The following ATP9B variants were observed in gnomAD, a reference collection of about 807,000 sequenced individuals.
ATP9B encodes the protein ATPase phospholipid transporting 9B.
In ATP9B, 110 loss-of-function variants were observed where a neutral mutation model predicts 146.1. The ratio of observed to expected loss-of-function variants is 0.75; its 90% CI spans 0.65 to 0.88. The LOEUF (loss-of-function observed/expected upper bound fraction) is 0.88, where lower values mean the gene tolerates loss of function less well. Among genes scored for constraint, ATP9B ranks in the 40% least tolerant of loss-of-function variants. The pLI is 0.00. For synonymous variants in ATP9B, 604 were observed against 569.7 expected, an observed-to-expected ratio of 1.06 and a Z score of -0.86; for missense variants, 1,499 against 1,496.4, an observed-to-expected ratio of 1.00 and a Z score of -0.03.
intron 11 of ATP9B, among the ~76,000 whole-genome samples, chr18:79,226,958 GT>G: frequency 1.3e-5 from 2 of 152,296 alleles, no homozygotes; most frequent in Middle Eastern, 6.8e-3. Context: ...CCCACTGTGT[GT>G]TGGGCACCAT....
chr18:79,337,307 T>G lies in ATP9B; in HGVS notation c.2141T>G (p.Met714Arg), dbSNP rs2096833174. ...CGATACACTCAAGCCAAGCTGAGCA[T>G]GCACGACAGGTCCCTCAAGGTGGCC... ...ESRYTQAKLS[M>R]HDRSLKVAAV... is the part of the protein sequence containing the mutation. Residue 714 changes from methionine (M) to arginine (R), a missense_variant, in exon 19 of 30, where the codon ATG (methionine) becomes AGG (arginine). Physicochemically the swap from Met to Arg is moderately conservative, Grantham distance 91. Transcript: ENST00000426216. 6.2e-7 allele frequency: 1 copy of G among 1,614,062 alleles called. No individual in the cohort carries two copies. The highest frequency in any genetic ancestry group is 1.3e-5 in the African/African-American group (1 of 75,054).
chr18:79,160,355 C>A (rs960245541), intron 7 of ATP9B, among the ~76,000 whole-genome samples: 1 of 152,202 alleles, frequency 6.6e-6, no homozygotes, highest in Non-Finnish European at 1.5e-5. Context: ...ATTGCAGTTA[C>A]ACAGAAGTAT....
chr18:79,167,759 A>G (rs1270151318), intron 7 of ATP9B, among the ~76,000 whole-genome samples: 1 of 152,110 alleles, frequency 6.6e-6, no homozygotes, highest in Non-Finnish European at 1.5e-5. Context: ...CCGGCAGTGG[A>G]CCTCACTGGG....
At chr18:79,158,128 G>T (rs1459912629) in intron 7 of ATP9B, among the ~76,000 whole-genome samples, 1 of 151,938 alleles carries the variant, frequency 6.6e-6, no homozygotes, top group African/African-American at 2.4e-5. Flanking sequence ...TTTTAGTACA[G>T]GTGTTCATAA....
At chr18:79,208,137 C>CG (rs922523879) in intron 10 of ATP9B, among the ~76,000 whole-genome samples, 32 of 152,088 alleles carry the variant, frequency 2.1e-4, no homozygotes, top group Admixed American at 1.8e-3. Context: ...CCCAGCTACT[C>CG]GGGGGGCTGA....
At chr18:79,365,985 G>A (rs2097025727) in intron 26 of ATP9B, among the ~76,000 whole-genome samples, 1 of 152,278 alleles carries the variant, frequency 6.6e-6, no homozygotes, top group South Asian at 2.1e-4. Flanking sequence ...TGTGTGTCAT[G>A]CCACCAGGCA....
intron 1 of ATP9B, among the ~76,000 whole-genome samples, chr18:79,082,740 A>G (rs1035375562): frequency 1.3e-5 from 2 of 152,210 alleles, no homozygotes; most frequent in African/African-American, 4.8e-5. Context: ...CGGAGGTTGC[A>G]GAACAGCAAA....
chr18:79,190,511 T>TACACACACAC (rs68063845), intron 8 of ATP9B, among the ~76,000 whole-genome samples: 3,653 of 143,532 alleles, frequency 0.025, 87 homozygotes, highest in African/African-American at 0.053. Flanking sequence ...TTTTTATTTA[T>TACACACACAC]ACACACACAC....
Position 79,336,188 on chromosome 18 carries a change from G to A in ATP9B, c.2029-440G>A, listed in dbSNP as rs554955087. On this transcript the variant is annotated intron_variant, in intron 17 of 29. Coordinates refer to ENST00000426216, the MANE Select transcript of ATP9B (RefSeq NM_198531.5). ...CTCTGTGCCCTCCCTGGCACCAGGC[G>A]CTCCCCTCGCCTGTCCCCAGCACCG... Among the ~76,000 whole-genome samples the A allele has an allele frequency of 1.5e-4, 21 of 138,484 alleles. 1 individual carries two copies. In the South Asian group the frequency reaches 4.2e-3, roughly 27 times the overall value. The allele number at this position is 138,484 out of a possible 152,430, so 90.9% of individuals were successfully genotyped here. A position where few individuals can be genotyped will look rare whatever the true frequency, so the allele number is the denominator to read the frequency against.
chr18:79,164,979 G>A (rs193291036), intron 7 of ATP9B, among the ~76,000 whole-genome samples: 1 of 152,238 alleles, frequency 6.6e-6, no homozygotes, highest in African/African-American at 2.4e-5. Context: ...TGGAAAGGGT[G>A]GGCTGGACTA....
intron 1 of ATP9B, among the ~76,000 whole-genome samples, chr18:79,081,979 C>G (rs1469861632): frequency 6.6e-6 from 1 of 152,124 alleles, no homozygotes; most frequent in East Asian, 1.9e-4. Flanking sequence ...GGAAGTTCTC[C>G]CGGATAATAT....
chr18:79,071,172 C>T (rs564982824), intron 1 of ATP9B, among the ~76,000 whole-genome samples: 1 of 148,612 alleles, frequency 6.7e-6, no homozygotes, highest in Non-Finnish European at 1.5e-5. Flanking sequence ...TTACAATATA[C>T]AAATGTGACT....
chr18:79,352,654 C>A (rs770968375), intron 25 of ATP9B: 4 of 151,440 alleles, frequency 2.6e-5, no homozygotes, highest in African/African-American at 4.9e-5. Context: ...GGCCTCGAAA[C>A]CTCTGTGTTT....
At chr18:79,090,525 C>T (rs1174820159) in intron 1 of ATP9B, among the ~76,000 whole-genome samples, 3 of 152,138 alleles carry the variant, frequency 2.0e-5, no homozygotes, top group African/African-American at 4.8e-5. Flanking sequence ...TGATGATCAG[C>T]GATGTCGAAC....
chr18:79,102,363 A>T (rs888680284), intron 2 of ATP9B, among the ~76,000 whole-genome samples: 1 of 152,120 alleles, frequency 6.6e-6, no homozygotes, highest in Non-Finnish European at 1.5e-5. Flanking sequence ...ATTTAAAAAA[A>T]TTTTTTTGGT....
At chr18:79,173,762 T>G (rs959336330) in intron 7 of ATP9B, 25 of 455,784 alleles carry the variant, frequency 5.5e-5, no homozygotes, top group Non-Finnish European at 1.1e-4. Context: ...TGGGCTGATT[T>G]CTCCCATTTT....
chr18:79,328,229 C>A (rs148213908), intron 15 of ATP9B, among the ~76,000 whole-genome samples: 1 of 152,266 alleles, frequency 6.6e-6, no homozygotes, highest in East Asian at 1.9e-4. Context: ...GTTAGTGTGC[C>A]TTTAGCTGCA....
chr18:79,325,948 G>T (rs2096742410), intron 15 of ATP9B, among the ~76,000 whole-genome samples: 1 of 142,140 alleles, frequency 7.0e-6, no homozygotes, highest in Non-Finnish European at 1.5e-5. Flanking sequence ...CATGGTGTTA[G>T]GGTGTCATCT....
intron 4 of ATP9B, among the ~76,000 whole-genome samples, chr18:79,116,940 TAAAAAA>T (rs377608135): frequency 6.6e-5 from 7 of 106,816 alleles, no homozygotes; most frequent in Non-Finnish European, 1.1e-4. Context: ...AAAAAAAAAT[TAAAAAA>T]AAAAAAAAAA....
Sources: gnomAD v4.1 joint callset for allele counts (sites outside exome capture counted in the v4.1 genomes callset) on GRCh38, gnomAD v4.1.1 for gene constraint, MANE v1.5 for transcripts, NCBI Gene and HGNC (gene_info 2026-07-23, HGNC 2026-07-21) for gene names.